The following DSCAM variants were observed in gnomAD, a reference collection of about 807,000 sequenced individuals.
DSCAM encodes DS cell adhesion molecule, also known as cell adhesion molecule DSCAM.
A neutral mutation model predicts 217.7 loss-of-function variants in DSCAM; 47 were observed. The ratio of observed to expected loss-of-function variants is 0.22; its 90% confidence interval spans 0.17 to 0.28. DSCAM has a LOEUF of 0.28. Among genes scored for constraint, DSCAM ranks in the 10% least tolerant of loss-of-function variants. The pLI, the probability that DSCAM is intolerant of heterozygous loss-of-function variation, is 1.00. For missense variants in DSCAM, 2,080 were observed against 2,618.3 expected (o/e 0.79, Z 4.49); for synonymous variants, 1,056 against 1,015.3 (o/e 1.04, Z -0.76).
intron 1 of DSCAM, among the ~76,000 whole-genome samples, chr21:40,762,277 G>A (rs1430456841): frequency 1.3e-5 from 2 of 151,932 alleles, no homozygotes; most frequent in Admixed American, 1.3e-4. Context: ...TGATAAAGGG[G>A]ATATCACCAC....
chr21:40,763,515 C>T (rs2091357160), intron 1 of DSCAM, among the ~76,000 whole-genome samples: 1 of 152,148 alleles, frequency 6.6e-6, no homozygotes, highest in Admixed American at 6.5e-5. Flanking sequence ...AATGGCAATA[C>T]TGCCCAAAAT....
At chr21:40,607,867 C>T (rs1233262076) in intron 3 of DSCAM, among the ~76,000 whole-genome samples, 1 of 152,144 alleles carries the variant, frequency 6.6e-6, no homozygotes, top group East Asian at 1.9e-4. Context: ...TGAACTAATA[C>T]AAAGCAATTG....
chr21:40,361,511 C>G (rs1330705114), intron 4 of DSCAM, among the ~76,000 whole-genome samples: 2 of 152,038 alleles, frequency 1.3e-5, no homozygotes, highest in Non-Finnish European at 2.9e-5. Flanking sequence ...CCCAGCTACT[C>G]AGGAGGCTGA....
intron 19 of DSCAM, among the ~76,000 whole-genome samples, chr21:40,129,773 A>C (rs2090136161): frequency 6.6e-6 from 1 of 152,174 alleles, no homozygotes; most frequent in Non-Finnish European, 1.5e-5. Flanking sequence ...CATAGCATGC[A>C]ATCTACCCCC....
intron 11 of DSCAM, among the ~76,000 whole-genome samples, chr21:40,254,074 G>A (rs935049569): frequency 3.9e-5 from 6 of 152,152 alleles, no homozygotes; most frequent in Admixed American, 1.3e-4. Context: ...CAGGTAATTA[G>A]TGCCTGAATC....
chr21:40,055,501 G>T (rs1460708558), intron 29 of DSCAM, among the ~76,000 whole-genome samples: 3 of 152,162 alleles, frequency 2.0e-5, no homozygotes, highest in African/African-American at 7.2e-5. Flanking sequence ...GCCTGGAACT[G>T]ACTGGCATAT....
intron 1 of DSCAM, among the ~76,000 whole-genome samples, chr21:40,797,932 C>G (rs1264439220): frequency 6.6e-6 from 1 of 151,510 alleles, no homozygotes; most frequent in African/African-American, 2.4e-5. Flanking sequence ...AGAATTTTAT[C>G]TTGTCATCTG....
chr21:40,075,787 G>A (rs563375582), intron 26 of DSCAM, among the ~76,000 whole-genome samples: 1 of 152,128 alleles, frequency 6.6e-6, no homozygotes, highest in Non-Finnish European at 1.5e-5. Flanking sequence ...CTTTTCAAAG[G>A]GGACCCAACT....
intron 3 of DSCAM, among the ~76,000 whole-genome samples, chr21:40,531,213 A>G (rs1370206368): frequency 1.3e-5 from 2 of 152,146 alleles, no homozygotes; most frequent in African/African-American, 4.8e-5. Flanking sequence ...TGGCACCTGC[A>G]GCTTGCCTTT....
chr21:40,842,445 T>C (rs2092110906), intron 1 of DSCAM, among the ~76,000 whole-genome samples: 1 of 152,246 alleles, frequency 6.6e-6, no homozygotes, highest in Non-Finnish European at 1.5e-5. Context: ...ATCTTACCCG[T>C]AGAATTCAGC....
chr21:40,058,336 C>T (rs2089061698), intron 28 of DSCAM, among the ~76,000 whole-genome samples: 1 of 152,160 alleles, frequency 6.6e-6, no homozygotes, highest in South Asian at 2.1e-4. Context: ...ATGGGGACGT[C>T]TTCTGTGTCC....
intron 3 of DSCAM, among the ~76,000 whole-genome samples, chr21:40,611,859 C>T (rs909438586): frequency 2.8e-5 from 4 of 142,084 alleles, no homozygotes; most frequent in African/African-American, 1.0e-4. Context: ...AGCTTGACTG[C>T]ACCCATGGGT....
intron 20 of DSCAM, among the ~76,000 whole-genome samples, chr21:40,111,253 C>T (rs935088339): frequency 3.3e-5 from 5 of 152,040 alleles, no homozygotes; most frequent in Non-Finnish European, 5.9e-5. Flanking sequence ...AGAGTGGGGG[C>T]CAATATTCAA....
At chr21:40,233,040 G>T (rs978405019) in intron 11 of DSCAM, among the ~76,000 whole-genome samples, 1 of 152,052 alleles carries the variant, frequency 6.6e-6, no homozygotes. Context: ...CTTCACGTGA[G>T]ATAACGGAGA....
intron 3 of DSCAM, among the ~76,000 whole-genome samples, chr21:40,477,377 A>G (rs934976721): frequency 6.6e-6 from 1 of 152,174 alleles, no homozygotes; most frequent in Non-Finnish European, 1.5e-5. Context: ...TTAAAAAATG[A>G]TAATGGCAAA....
chr21:40,577,722 T>G (rs774220733), intron 3 of DSCAM, among the ~76,000 whole-genome samples: 7 of 152,100 alleles, frequency 4.6e-5, no homozygotes, highest in Non-Finnish European at 1.0e-4. Context: ...TTAGAACAAT[T>G]TTACAGAAGT....
At chr21:40,634,276 T>C (rs566977552) in intron 3 of DSCAM, among the ~76,000 whole-genome samples, 3 of 152,346 alleles carry the variant, frequency 2.0e-5, no homozygotes, top group African/African-American at 7.2e-5. Context: ...TTTGTTCCTC[T>C]TGTTCTGTCC....
At chr21:40,193,492 G>A (rs1003442515) in intron 11 of DSCAM, among the ~76,000 whole-genome samples, 3 of 152,242 alleles carry the variant, frequency 2.0e-5, no homozygotes, top group African/African-American at 7.2e-5. Flanking sequence ...TCACGACTGG[G>A]GAATGTGAAT....
At position 40,625,632 on chromosome 21, in the gene DSCAM, C is replaced by A. The variant is rs73368970; in HGVS notation, c.508+67178G>T. On this transcript the variant is annotated intron_variant, in intron 3 of 32. Coordinates refer to ENST00000400454, the MANE Select transcript of DSCAM (RefSeq NM_001389.5). ...TCCTGCTGCAGGAGCTGGAAAGCCC[C>A]CACCCTGTGGCCTTCTCAAGGATGT... is the stretch of plus-strand genomic sequence containing the variant. Among the ~76,000 whole-genome samples, 1,396 of 152,274 alleles carry A rather than the reference C, an allele frequency of 9.2e-3. 24 individuals carry two copies. The highest frequency in any genetic ancestry group is 0.032 in the African/African-American group (1,349 of 41,548).
Sources: gnomAD v4.1 joint callset for allele counts (sites outside exome capture counted in the v4.1 genomes callset) on GRCh38, gnomAD v4.1.1 for gene constraint, MANE v1.5 for transcripts, NCBI Gene and HGNC (gene_info 2026-07-23, HGNC 2026-07-21) for gene names.